RIMS2: variants seen among roughly 807,000 people sequenced by gnomAD.
RIMS2 encodes regulating synaptic membrane exocytosis 2, also known as regulating synaptic membrane exocytosis protein 2.
In RIMS2, 59 loss-of-function variants were observed where a neutral mutation model predicts 174.4. That is an observed-to-expected ratio of 0.34 (90% CI 0.27 to 0.42). The LOEUF (loss-of-function observed/expected upper bound fraction) is 0.42. Among genes scored for constraint, RIMS2 ranks in the 10% least tolerant of loss-of-function variants. The pLI is 1.00. For synonymous variants in RIMS2, 606 were observed against 572.5 expected (o/e 1.06, Z -0.84); for missense variants, 1,620 against 1,666.3 (o/e 0.97, Z 0.48).
intron 1 of RIMS2, among the ~76,000 whole-genome samples, chr8:103,614,275 A>C (rs2095454433): frequency 6.6e-6 from 1 of 152,236 alleles, no homozygotes; most frequent in South Asian, 2.1e-4. Context: ...ATGCATGGGC[A>C]CTGGCGGAGC....
intron 3 of RIMS2, among the ~76,000 whole-genome samples, chr8:103,769,258 T>C (rs527467202): frequency 6.6e-6 from 1 of 152,320 alleles, no homozygotes; most frequent in African/African-American, 2.4e-5. Context: ...ATAAATTCAA[T>C]AAATTTATGA....
intron 1 of RIMS2, among the ~76,000 whole-genome samples, chr8:103,512,278 G>A (rs1826861490): frequency 6.6e-6 from 1 of 152,210 alleles, no homozygotes; most frequent in Non-Finnish European, 1.5e-5. Flanking sequence ...AGGAGAAATG[G>A]TGACAGTCCA....
At chr8:103,985,505 A>AAAAAAAAT (rs2094292602) in intron 16 of RIMS2, among the ~76,000 whole-genome samples, 1 of 134,336 alleles carries the variant, frequency 7.4e-6, no homozygotes, top group African/African-American at 2.7e-5. Flanking sequence ...AAAAAAAAAG[A>AAAAAAAAT]GTATAATTGG....
chr8:103,690,286 G>A (rs1013634748), intron 1 of RIMS2, among the ~76,000 whole-genome samples: 6 of 152,026 alleles, frequency 3.9e-5, no homozygotes, highest in African/African-American at 1.4e-4. Context: ...TGATTGGAGA[G>A]TTTAGTTGAT....
intron 17 of RIMS2, among the ~76,000 whole-genome samples, chr8:103,995,086 T>G (rs2154551235): frequency 6.6e-6 from 1 of 152,242 alleles, no homozygotes; most frequent in South Asian, 2.1e-4. Flanking sequence ...GTATACTTTT[T>G]TAAATATTTC....
intron 2 of RIMS2, among the ~76,000 whole-genome samples, chr8:103,718,067 A>G (rs1345727956): frequency 6.6e-6 from 1 of 152,230 alleles, no homozygotes; most frequent in Non-Finnish European, 1.5e-5. Context: ...TACTAGCAAT[A>G]TGATGTATAT....
rs142536278 is a variant in RIMS2, at chr8:103,944,629, T to C, written c.2701+1703T>C. Reference sequence around the variant, plus strand: ...GAGATTAGAGTACTGGTTAGCTGTATGTGTCATGGATTTTCATGGAATTAT... The same window carrying C: ...GAGATTAGAGTACTGGTTAGCTGTACGTGTCATGGATTTTCATGGAATTAT... On this transcript the variant is annotated intron_variant, in intron 14 of 23. Coordinates refer to ENST00000504942, the Ensembl canonical transcript of RIMS2. Among the ~76,000 whole-genome samples the C allele has an allele frequency of 3.4e-3, 514 of 152,208 alleles. 2 individuals carry two copies. The highest frequency in any genetic ancestry group is 0.011 in the African/African-American group (478 of 41,568).
intron 1 of RIMS2, among the ~76,000 whole-genome samples, chr8:103,625,758 T>C (rs558137571): frequency 3.0e-4 from 46 of 152,276 alleles, no homozygotes; most frequent in Non-Finnish European, 5.3e-4. Context: ...GACATACTTA[T>C]AATTTACATC....
chr8:103,899,405 G>A (rs1378504764), intron 4 of RIMS2, among the ~76,000 whole-genome samples: 1 of 151,632 alleles, frequency 6.6e-6, no homozygotes, highest in Non-Finnish European at 1.5e-5. Context: ...CTTTTTAAAT[G>A]ATCGCCATTC....
intron 1 of RIMS2, among the ~76,000 whole-genome samples, chr8:103,558,683 T>C (rs1330256753): frequency 1.3e-5 from 2 of 152,148 alleles, no homozygotes; most frequent in East Asian, 3.8e-4. Context: ...TTTCCTCCTT[T>C]GAGATTGTAA....
chr8:104,036,123 A>ATTTAT (rs1175257836), intron 19 of RIMS2, among the ~76,000 whole-genome samples: 11 of 142,576 alleles, frequency 7.7e-5, no homozygotes, highest in South Asian at 6.7e-4. Flanking sequence ...TCAAAATAAA[A>ATTTAT]TTTATTTTAT....
At chr8:103,691,964 G>C (rs2097031579) in intron 1 of RIMS2, among the ~76,000 whole-genome samples, 1 of 152,110 alleles carries the variant, frequency 6.6e-6, no homozygotes, top group Admixed American at 6.5e-5. Context: ...CCTTGGATAA[G>C]GTCTTGGGTA....
chr8:103,757,307 T>C (rs1224444060), intron 2 of RIMS2, among the ~76,000 whole-genome samples: 1 of 152,136 alleles, frequency 6.6e-6, no homozygotes, highest in Non-Finnish European at 1.5e-5. Flanking sequence ...TGCTGAATGG[T>C]TTTTCTGTAT....
chr8:104,049,515 C>A (rs1177904778), intron 19 of RIMS2, among the ~76,000 whole-genome samples: 1 of 152,122 alleles, frequency 6.6e-6, no homozygotes, highest in Non-Finnish European at 1.5e-5. Flanking sequence ...CTCTGTTGCC[C>A]TGTTTAGAGG....
chr8:103,851,964 G>T (rs767728269), intron 3 of RIMS2, among the ~76,000 whole-genome samples: 23 of 151,938 alleles, frequency 1.5e-4, no homozygotes, highest in Middle Eastern at 6.8e-3. Context: ...TCTCTCATGT[G>T]TAGATGCTGC....
At chr8:103,883,327 T>C (rs1428014543) in intron 3 of RIMS2, among the ~76,000 whole-genome samples, 1 of 151,736 alleles carries the variant, frequency 6.6e-6, no homozygotes, top group African/African-American at 2.4e-5. Flanking sequence ...ATTCCTTAAA[T>C]CTAGTGTTCT....
At chr8:103,569,107 T>TA (rs1048798906) in intron 1 of RIMS2, 2 of 306,064 alleles carry the variant, frequency 6.5e-6, no homozygotes, top group Non-Finnish European at 1.2e-5. Flanking sequence ...AGGAAACCAT[T>TA]ACCTAACCCA....
At position 104,147,371 on chromosome 8, in the gene RIMS2, T is replaced by A. The variant is rs1055073438; in HGVS notation, c.3335-97545T>A. Among the ~76,000 whole-genome samples the A allele has an allele frequency of 2.6e-5, 4 of 152,128 alleles. No individual in the cohort carries two copies. The South Asian group carries it at 8.3e-4, about 32-fold the overall frequency. On this transcript the variant is annotated intron_variant, in intron 19 of 23. Transcript: ENST00000504942. ...ACTATATATTTTTTAAATTTCACACTGGGTCTTTTACCGCCTAAATACTTG... is the reference window on the plus strand; with the variant it reads ...ACTATATATTTTTTAAATTTCACACAGGGTCTTTTACCGCCTAAATACTTG...
chr8:104,185,773 T>C (rs1414547461), intron 19 of RIMS2, among the ~76,000 whole-genome samples: 2 of 151,670 alleles, frequency 1.3e-5, no homozygotes, highest in Non-Finnish European at 1.5e-5. Flanking sequence ...CCTTATACAC[T>C]GTTGATAGGA....
Sources: allele counts gnomAD v4.1 joint callset (sites outside exome capture counted in the v4.1 genomes callset), GRCh38; gene constraint gnomAD v4.1.1; transcripts MANE v1.5; gene names NCBI Gene and HGNC (gene_info 2026-07-23, HGNC 2026-07-21).